The following NDUFAF2 variants were observed in gnomAD, a reference collection of about 807,000 sequenced individuals.
The protein encoded by NDUFAF2 is NADH:ubiquinone oxidoreductase complex assembly factor 2.
NDUFAF2 carries 13 observed loss-of-function variants against 22.8 expected under a neutral mutation model. That is an observed-to-expected ratio of 0.57 (90% confidence interval 0.37 to 0.91). NDUFAF2 has a LOEUF of 0.91. NDUFAF2 is among the 40% of genes least tolerant of loss of function. NDUFAF2 has a pLI of 0.01. For missense variants in NDUFAF2, 162 were observed against 195.2 expected, an observed-to-expected ratio of 0.83 and a Z score of 1.01; for synonymous variants, 53 against 64.2, an observed-to-expected ratio of 0.83 and a Z score of 0.84.
At chr5:61,001,737 C>T (rs1359576387) in intron 1 of NDUFAF2, among the ~76,000 whole-genome samples, 1 of 152,044 alleles carries the variant, frequency 6.6e-6, no homozygotes, top group Non-Finnish European at 1.5e-5. Context: ...TTGCTCCTTT[C>T]TCTTTTAGGT....
In NDUFAF2 at chr5:61,141,708, AATAAGT is replaced by A. The variant is rs551380081; in HGVS notation, c.259-10992_259-10987del. ...TGAATGAATGAAAAACACATGAATG[AATAAGT>A]ATATCTTTCAGGGCCACAGCTCCTG... On this transcript the variant is annotated intron_variant, in intron 3 of 3. Transcript: ENST00000296597. Among the ~76,000 whole-genome samples the A allele has an allele frequency of 5.0e-4, 76 of 151,696 alleles. 1 individual carries two copies. Among genetic ancestry groups the A allele is most frequent in the African/African-American group, 1.8e-3 (74 of 41,466 alleles).
intron 1 of NDUFAF2, among the ~76,000 whole-genome samples, chr5:61,049,444 G>A (rs975417425): frequency 6.6e-6 from 1 of 151,868 alleles, no homozygotes; most frequent in African/African-American, 2.4e-5. Context: ...ATTTAGTTGT[G>A]GTAAAATACA....
chr5:61,076,273 A>T (rs1752369509), intron 2 of NDUFAF2, among the ~76,000 whole-genome samples: 3 of 151,952 alleles, frequency 2.0e-5, no homozygotes, highest in Admixed American at 6.6e-5. Context: ...AGAGGGTTTC[A>T]CCATGTTAGC....
intron 1 of NDUFAF2, among the ~76,000 whole-genome samples, chr5:61,044,717 G>C (rs1397337805): frequency 1.3e-5 from 2 of 152,048 alleles, no homozygotes; most frequent in East Asian, 3.8e-4. Context: ...ATGCTGTTTT[G>C]ATTACTATAG....
intron 3 of NDUFAF2, among the ~76,000 whole-genome samples, chr5:61,136,318 T>C (rs532046812): frequency 6.6e-6 from 1 of 152,090 alleles, no homozygotes; most frequent in African/African-American, 2.4e-5. Flanking sequence ...GATTTGACCA[T>C]ACAACTTTTT....
chr5:61,067,428 C>G (rs993538996), intron 1 of NDUFAF2, among the ~76,000 whole-genome samples: 1 of 150,810 alleles, frequency 6.6e-6, no homozygotes, highest in Non-Finnish European at 1.5e-5. Context: ...TTTGTCCTTG[C>G]GATAGTTTGC....
chr5:61,123,866 A>G (rs1753004335), intron 3 of NDUFAF2, among the ~76,000 whole-genome samples: 1 of 152,134 alleles, frequency 6.6e-6, no homozygotes, highest in South Asian at 2.1e-4. Flanking sequence ...TGAATTTTAA[A>G]AAGAAGAAAA....
intron 2 of NDUFAF2, among the ~76,000 whole-genome samples, chr5:61,092,741 A>G (rs1165161674): frequency 6.6e-6 from 1 of 152,066 alleles, no homozygotes; most frequent in African/African-American, 2.4e-5. Flanking sequence ...AACTTCCTAT[A>G]CTATGTTGAA....
intron 1 of NDUFAF2, among the ~76,000 whole-genome samples, chr5:61,062,870 C>G (rs554701798): frequency 6.6e-6 from 1 of 152,076 alleles, no homozygotes; most frequent in East Asian, 1.9e-4. Context: ...CAGCAGAAAC[C>G]TTGCAGGCCA....
Position 61,136,005 on chromosome 5 carries a change from TTATATATATATATATATATATATATA to T in NDUFAF2, c.259-16687_259-16662del, listed in dbSNP as rs57756292. Among the ~76,000 whole-genome samples the T allele has an allele frequency of 2.6e-4, 25 of 96,028 alleles. 1 individual carries two copies. Among genetic ancestry groups the T allele is most frequent in the South Asian group, 1.1e-3 (3 of 2,798 alleles). The allele number at this position is 96,028 out of a possible 152,430, so 63.0% of individuals were successfully genotyped here. A position where few individuals can be genotyped will look rare whatever the true frequency, so the allele number is the denominator to read the frequency against. The stretch of plus-strand genomic sequence containing the variant: ...TTGGTCCCTACATCTAAGCCTGTCT[TTATATATATATATATATATATATATA>T]TATATATATATCTAGGGTGGATTGC... On this transcript the variant is annotated intron_variant, in intron 3 of 3. Transcript: ENST00000296597.
At chr5:61,096,461 T>G (rs1752640824) in intron 2 of NDUFAF2, among the ~76,000 whole-genome samples, 1 of 151,704 alleles carries the variant, frequency 6.6e-6, no homozygotes, top group Admixed American at 6.6e-5. Context: ...TAGCTGGGCG[T>G]GGTGGCGAGT....
chr5:61,076,167 T>G (rs1375095958), intron 2 of NDUFAF2, among the ~76,000 whole-genome samples: 1 of 152,164 alleles, frequency 6.6e-6, no homozygotes, highest in African/African-American at 2.4e-5. Flanking sequence ...ACCTCCCAAG[T>G]TCACGCCATT....
chr5:61,102,223 C>G (rs1752712635), intron 3 of NDUFAF2, among the ~76,000 whole-genome samples: 1 of 152,036 alleles, frequency 6.6e-6, no homozygotes, highest in African/African-American at 2.4e-5. Flanking sequence ...TAGCTGAAAG[C>G]AGCCATGAAA....
intron 1 of NDUFAF2, among the ~76,000 whole-genome samples, chr5:60,999,175 C>T (rs1394908092): frequency 6.6e-6 from 1 of 151,682 alleles, no homozygotes; most frequent in Non-Finnish European, 1.5e-5. Context: ...GATTGTTCCT[C>T]AAGTTAAACA....
chr5:61,036,470 A>G (rs1333541867), intron 1 of NDUFAF2, among the ~76,000 whole-genome samples: 1 of 152,236 alleles, frequency 6.6e-6, no homozygotes, highest in Admixed American at 6.5e-5. Context: ...TGAGACTAAT[A>G]ACTATTTTTT....
At chr5:61,087,620 C>T (rs985312523) in intron 2 of NDUFAF2, among the ~76,000 whole-genome samples, 1 of 152,108 alleles carries the variant, frequency 6.6e-6, no homozygotes, top group Non-Finnish European at 1.5e-5. Flanking sequence ...TTTAAACATA[C>T]ACACTTATCC....
intron 2 of NDUFAF2, among the ~76,000 whole-genome samples, chr5:61,086,065 G>A (rs1249716765): frequency 6.6e-6 from 1 of 151,930 alleles, no homozygotes. Flanking sequence ...GTTATAGTGA[G>A]CTGCAATCAT....
At chr5:61,057,605 G>C (rs1449977239) in intron 1 of NDUFAF2, among the ~76,000 whole-genome samples, 1 of 152,028 alleles carries the variant, frequency 6.6e-6, no homozygotes, top group Non-Finnish European at 1.5e-5. Context: ...TAAGGGGAGG[G>C]GAGAAAAGGT....
At chr5:61,019,798 T>C (rs931520692) in intron 1 of NDUFAF2, among the ~76,000 whole-genome samples, 13 of 152,150 alleles carry the variant, frequency 8.5e-5, no homozygotes, top group African/African-American at 2.9e-4. Flanking sequence ...TGGCCTCTTC[T>C]GATTTTTGGT....
Sources: gnomAD v4.1 joint callset for allele counts (sites outside exome capture counted in the v4.1 genomes callset) on GRCh38, gnomAD v4.1.1 for gene constraint, MANE v1.5 for transcripts, NCBI Gene and HGNC (gene_info 2026-07-23, HGNC 2026-07-21) for gene names.